Variants in RASGRF2 observed in about 807,000 individuals in gnomAD.
RASGRF2 encodes the protein ras-specific guanine nucleotide-releasing factor 2.
RASGRF2 carries 76 observed loss-of-function variants against 151.0 expected under a neutral mutation model. The observed-to-expected ratio is 0.50, with a 90% CI of 0.42 to 0.61. The LOEUF (loss-of-function observed/expected upper bound fraction) is 0.61. Among genes scored for constraint, RASGRF2 ranks in the 20% least tolerant of loss-of-function variants. The pLI is 0.00. For missense variants in RASGRF2, 1,148 were observed against 1,564.6 expected, an observed-to-expected ratio of 0.73 and a Z score of 4.49; for synonymous variants, 504 against 566.5, an observed-to-expected ratio of 0.89 and a Z score of 1.57.
chr5:81,113,241 G>A (rs1376320594), intron 14 of RASGRF2: 3 of 498,266 alleles, frequency 6.0e-6, no homozygotes, highest in East Asian at 6.9e-5. Context: ...TGCTGGCTCT[G>A]ATTCAGCAGG....
Position 81,042,888 on chromosome 5 carries a change from T to C in RASGRF2, c.300T>C (p.Thr100=), listed in dbSNP as rs1750721118. ...RDALDKQYYF[T]VLFGHEGQKP... Reference sequence around the variant, plus strand: ...CTTTTTCTTTCCAGTATTACTTTACTGTTCTTTTTGGCCATGAAGGTCAGA... The same window carrying C: ...CTTTTTCTTTCCAGTATTACTTTACCGTTCTTTTTGGCCATGAAGGTCAGA... The change falls in exon 2 of 27, where the codon ACT becomes ACC. Residue 100 remains threonine, a synonymous_variant. Coordinates refer to ENST00000265080, the MANE Select transcript of RASGRF2 (RefSeq NM_006909.3). 1.9e-6 allele frequency: 3 copies of C among 1,610,046 alleles called. No homozygotes were observed. Among genetic ancestry groups the C allele is most frequent in the Non-Finnish European group, 2.5e-6 (3 of 1,178,270 alleles).
At chr5:81,100,586 A>G (rs1752674683) in intron 12 of RASGRF2, among the ~76,000 whole-genome samples, 1 of 152,188 alleles carries the variant, frequency 6.6e-6, no homozygotes, top group South Asian at 2.1e-4. Flanking sequence ...TGAAGATTTG[A>G]CTATTTATTT....
intron 1 of RASGRF2, among the ~76,000 whole-genome samples, chr5:81,041,456 T>C (rs1015317453): frequency 6.6e-6 from 1 of 152,190 alleles, no homozygotes; most frequent in Admixed American, 6.5e-5. Context: ...TCAATATACA[T>C]ATATATTTCT....
intron 2 of RASGRF2, among the ~76,000 whole-genome samples, chr5:81,061,976 A>G (rs1751448289): frequency 7.2e-6 from 1 of 138,638 alleles, no homozygotes; most frequent in African/African-American, 2.7e-5. Context: ...GACATGAGCC[A>G]CCACACCTGA....
chr5:81,094,402 G>C, intron 11 of RASGRF2, 40 bp downstream of exon 11: 1 of 1,570,142 alleles, frequency 6.4e-7, no homozygotes, highest in Non-Finnish European at 8.7e-7. Context: ...ATTAGAATTA[G>C]AGGCGGGAGA....
intron 17 of RASGRF2, 59 bp from the exon 18 acceptor site, chr5:81,180,116 T>C: frequency 1.0e-6 from 1 of 963,256 alleles, no homozygotes; most frequent in Non-Finnish European, 1.7e-6. Context: ...TATGACCTTT[T>C]CCAGGTCCCT....
chr5:81,211,065 G>T (rs181487650), intron 22 of RASGRF2, among the ~76,000 whole-genome samples: 189 of 150,614 alleles, frequency 1.3e-3, no homozygotes, highest in African/African-American at 4.6e-3. Context: ...GATCGCTTGA[G>T]CCCTGGACAT....
intron 18 of RASGRF2, among the ~76,000 whole-genome samples, chr5:81,189,626 T>C (rs111785988): frequency 0.028 from 4,305 of 151,824 alleles, 131 homozygotes; most frequent in African/African-American, 0.085. Context: ...CCCAAAGTGC[T>C]GGGATTACGG....
chr5:81,082,852 A>G (rs1246200023), intron 7 of RASGRF2, among the ~76,000 whole-genome samples: 1 of 152,218 alleles, frequency 6.6e-6, no homozygotes, highest in Non-Finnish European at 1.5e-5. Flanking sequence ...AAATGAGCAA[A>G]CTGAAAGAGC....
chr5:81,225,943 A>AAG lies in RASGRF2; in HGVS notation c.*175_*176dup. On this transcript the variant is annotated 3_prime_UTR_variant, in exon 27 of 27. Transcript: ENST00000265080. Reference sequence around the variant, plus strand: ...GAGAGAAACCCAGCTGTTTGGGTCAAAGACAGATGCTTCAGACTTGGGTGG... The same window carrying AAG: ...GAGAGAAACCCAGCTGTTTGGGTCAAAGAGACAGATGCTTCAGACTTGGGTGG... 1 of 632,926 alleles carries AAG rather than the reference A, an allele frequency of 1.6e-6. No individual in the cohort carries two copies. 39.2% of individuals were successfully genotyped at this position (632,926 alleles called of 1,614,324 possible).
chr5:80,980,791 T>A (rs1047400924), intron 1 of RASGRF2, among the ~76,000 whole-genome samples: 13 of 152,130 alleles, frequency 8.5e-5, no homozygotes, highest in Non-Finnish European at 5.9e-5. Flanking sequence ...TATTTGAAAA[T>A]TATTTGGGGG....
At chr5:81,202,239 G>A (rs570296853) in intron 19 of RASGRF2, among the ~76,000 whole-genome samples, 1 of 152,244 alleles carries the variant, frequency 6.6e-6, no homozygotes, top group South Asian at 2.1e-4. Flanking sequence ...GCTTGGGGAT[G>A]GGAAGCCCAG....
At chr5:81,136,632 A>C (rs1372109190) in intron 17 of RASGRF2, among the ~76,000 whole-genome samples, 1 of 152,056 alleles carries the variant, frequency 6.6e-6, no homozygotes, top group Non-Finnish European at 1.5e-5. Context: ...GTGTTCTCTG[A>C]GCTTCCTGGA....
chr5:81,112,945 G>A lies in RASGRF2; in HGVS notation c.2087+87G>A, dbSNP rs1320515673. ...CCATGAGGATGAGCAGGCCAGCTCT[G>A]CAAAGCAGCTCCTAGGGTGTACTAG... On this transcript the variant is annotated intron_variant, in intron 14 of 26. Transcript: ENST00000265080. The A allele has an allele frequency of 2.6e-6, 4 of 1,533,610 alleles. No individual in the cohort carries two copies. In the Admixed American group the frequency reaches 5.5e-5, roughly 21 times the overall value.
intron 1 of RASGRF2, among the ~76,000 whole-genome samples, chr5:81,034,538 T>C (rs1330520079): frequency 1.3e-5 from 2 of 151,826 alleles, no homozygotes; most frequent in African/African-American, 2.4e-5. Flanking sequence ...AGCAAAGACT[T>C]GGAACCAACC....
chr5:81,183,762 G>A (rs1754967698), intron 18 of RASGRF2, among the ~76,000 whole-genome samples: 2 of 152,168 alleles, frequency 1.3e-5, no homozygotes, highest in African/African-American at 2.4e-5. Context: ...CTCCTGTGGG[G>A]CCCCAAGCTG....
chr5:81,131,021 A>G (rs941573120), intron 17 of RASGRF2, among the ~76,000 whole-genome samples: 1 of 152,144 alleles, frequency 6.6e-6, no homozygotes, highest in South Asian at 2.1e-4. Context: ...ATCAAAATAT[A>G]TAGGAATCTG....
At chr5:81,084,068 A>G (rs1362950568) in intron 7 of RASGRF2, among the ~76,000 whole-genome samples, 1 of 152,122 alleles carries the variant, frequency 6.6e-6, no homozygotes, top group Non-Finnish European at 1.5e-5. Flanking sequence ...TTGTTCCTTC[A>G]CCATAAGGCA....
intron 8 of RASGRF2, 90 bp from the exon 9 acceptor site, chr5:81,086,745 C>A: frequency 9.5e-7 from 1 of 1,052,330 alleles, no homozygotes; most frequent in Admixed American, 1.9e-5. Context: ...AAGCTTGCAA[C>A]CGAGCTTCTC....
Sources: allele counts gnomAD v4.1 joint callset (sites outside exome capture counted in the v4.1 genomes callset), GRCh38; gene constraint gnomAD v4.1.1; transcripts MANE v1.5; gene names NCBI Gene and HGNC (gene_info 2026-07-23, HGNC 2026-07-21).